The following IMMP2L variants were observed in gnomAD, a reference collection of about 807,000 sequenced individuals.
IMMP2L encodes inner mitochondrial membrane peptidase subunit 2, also known as mitochondrial inner membrane protease subunit 2.
IMMP2L carries 18 observed loss-of-function variants against 19.3 expected under a neutral mutation model. The observed-to-expected ratio is 0.93, with a 90% CI of 0.64 to 1.38. The LOEUF (loss-of-function observed/expected upper bound fraction) is 1.38, where lower values mean the gene tolerates loss of function less well. IMMP2L is among the 40% of genes most tolerant of loss of function. The pLI is 0.00. For missense variants in IMMP2L, 233 were observed against 218.2 expected (o/e 1.07, Z -0.43); for synonymous variants, 76 against 73.0 (o/e 1.04, Z -0.21).
chr7:111,092,505 AT>A (rs1796978452), intron 3 of IMMP2L, among the ~76,000 whole-genome samples: 1 of 152,190 alleles, frequency 6.6e-6, no homozygotes. Context: ...TGAAAAGGGG[AT>A]AATGTGAAAA....
intron 3 of IMMP2L, among the ~76,000 whole-genome samples, chr7:111,459,483 T>C (rs1430197033): frequency 5.3e-5 from 8 of 152,160 alleles, no homozygotes; most frequent in Non-Finnish European, 2.9e-5. Flanking sequence ...ATCAGATCTA[T>C]GAAAGTACTT....
chr7:111,000,305 T>C (rs777123154), intron 3 of IMMP2L, among the ~76,000 whole-genome samples: 1 of 152,184 alleles, frequency 6.6e-6, no homozygotes, highest in African/African-American at 2.4e-5. Context: ...GGTAAGCACA[T>C]ATTCCAAGTA....
intron 4 of IMMP2L, among the ~76,000 whole-genome samples, chr7:110,960,707 C>A (rs1334960218): frequency 6.6e-6 from 1 of 151,502 alleles, no homozygotes; most frequent in African/African-American, 2.4e-5. Context: ...TTAGAATGTA[C>A]ATTCTATAAG....
intron 3 of IMMP2L, among the ~76,000 whole-genome samples, chr7:111,133,607 A>G (rs1489025907): frequency 1.3e-5 from 2 of 152,016 alleles, no homozygotes; most frequent in African/African-American, 2.4e-5. Flanking sequence ...ATATCCTAGG[A>G]AAAAAATGAC....
chr7:111,115,274 T>A (rs1298481469), intron 3 of IMMP2L, among the ~76,000 whole-genome samples: 1 of 152,058 alleles, frequency 6.6e-6, no homozygotes, highest in East Asian at 1.9e-4. Flanking sequence ...TAGGAAAAAA[T>A]ATAAGCATCA....
At chr7:111,025,026 A>T (rs1563170918) in intron 3 of IMMP2L, among the ~76,000 whole-genome samples, 1 of 152,192 alleles carries the variant, frequency 6.6e-6, no homozygotes, top group Non-Finnish European at 1.5e-5. Flanking sequence ...CAGATTCTCC[A>T]AATAGGAATG....
rs1241499434 is a variant in IMMP2L at position 111,425,590 on chromosome 7, G to A, written c.239+61648C>T. On this transcript the variant is annotated intron_variant, in intron 3 of 5. Transcript: ENST00000405709. Reference sequence around the variant, plus strand: ...AGATAAGATAACAGAAAAGTGATAAGATATGAGTGGTGAGTATACTGGTGT... The same window carrying A: ...AGATAAGATAACAGAAAAGTGATAAAATATGAGTGGTGAGTATACTGGTGT... 1.3e-5 allele frequency among the ~76,000 whole-genome samples: 2 copies of A among 151,096 alleles called. 1 individual carries two copies. The highest frequency in any genetic ancestry group is 3.0e-5 in the Non-Finnish European group (2 of 67,662).
At chr7:111,156,160 C>A (rs1315329571) in intron 3 of IMMP2L, among the ~76,000 whole-genome samples, 1 of 151,988 alleles carries the variant, frequency 6.6e-6, no homozygotes, top group African/African-American at 2.4e-5. Context: ...GTTGTAGACA[C>A]TCTTGTATAG....
At chr7:111,296,506 A>T (rs1563025123) in intron 3 of IMMP2L, among the ~76,000 whole-genome samples, 1 of 139,374 alleles carries the variant, frequency 7.2e-6, no homozygotes, top group Admixed American at 7.3e-5. Flanking sequence ...GAATAGCTTT[A>T]AAAAATGGTA....
chr7:111,140,574 G>A (rs1802780389), intron 3 of IMMP2L, among the ~76,000 whole-genome samples: 1 of 152,164 alleles, frequency 6.6e-6, no homozygotes, highest in Admixed American at 6.5e-5. Flanking sequence ...TAAGACATGA[G>A]AAAGCTAAGA....
intron 3 of IMMP2L, among the ~76,000 whole-genome samples, chr7:111,393,587 C>T (rs1038833575): frequency 5.3e-5 from 8 of 152,044 alleles, no homozygotes; most frequent in African/African-American, 1.4e-4. Context: ...TGACATTTTA[C>T]GTAGGAGGGA....
intron 3 of IMMP2L, chr7:111,122,860 C>G: frequency 6.2e-7 from 1 of 1,613,898 alleles, no homozygotes; most frequent in Admixed American, 1.7e-5. Flanking sequence ...AGTGGATTGT[C>G]CACGGTTATG....
intron 3 of IMMP2L, among the ~76,000 whole-genome samples, chr7:111,214,142 C>T (rs775837377): frequency 3.9e-5 from 6 of 152,072 alleles, no homozygotes; most frequent in Non-Finnish European, 8.8e-5. Flanking sequence ...CCAGTCCCTT[C>T]CAAGGGTATC....
At chr7:111,401,523 T>G (rs116397817) in intron 3 of IMMP2L, among the ~76,000 whole-genome samples, 2,507 of 152,254 alleles carry the variant, frequency 0.016, 67 homozygotes, top group African/African-American at 0.057. Flanking sequence ...CAAATTTCAA[T>G]GTACTTCTTT....
chr7:110,908,928 T>C (rs1217595741), intron 4 of IMMP2L, among the ~76,000 whole-genome samples: 9 of 152,200 alleles, frequency 5.9e-5, no homozygotes, highest in African/African-American at 1.9e-4. Context: ...GTAGGAAAGA[T>C]AGACATTAAT....
chr7:111,466,692 A>T (rs1463284537), intron 3 of IMMP2L, among the ~76,000 whole-genome samples: 2 of 152,188 alleles, frequency 1.3e-5, no homozygotes, highest in Non-Finnish European at 2.9e-5. Flanking sequence ...ACAGTAGGCC[A>T]TCCATATCTG....
rs373068276 is a variant in IMMP2L at position 111,016,325 on chromosome 7, C to T, written c.240-52760G>A. Among the ~76,000 whole-genome samples the T allele has an allele frequency of 7.5e-3, 1,068 of 142,446 alleles. 12 individuals are homozygous for T. Among genetic ancestry groups the T allele is most frequent in the Middle Eastern group, 0.06 (15 of 248 alleles). 93.5% of individuals were successfully genotyped at this position (142,446 alleles called of 152,430 possible). On this transcript the variant is annotated intron_variant, in intron 3 of 5. Coordinates refer to ENST00000405709, the MANE Select transcript of IMMP2L (RefSeq NM_032549.4). ...TCCCTGTCAAACTTGAAAAAAAGTC[C>T]AGTAATTATATATATAATAATTTAT...
intron 3 of IMMP2L, among the ~76,000 whole-genome samples, chr7:111,228,958 T>G (rs1022404487): frequency 4.3e-5 from 6 of 138,572 alleles, no homozygotes; most frequent in Non-Finnish European, 6.2e-5. Context: ...CAATAAACAC[T>G]AGCAATGCGT....
chr7:110,862,904 C>T (rs112225154), intron 5 of IMMP2L, among the ~76,000 whole-genome samples: 1,531 of 152,062 alleles, frequency 0.01, 38 homozygotes, highest in African/African-American at 0.035. Context: ...AGAGCTGGCC[C>T]ACTTACCTCC....
Sources: allele counts gnomAD v4.1 joint callset (sites outside exome capture counted in the v4.1 genomes callset), GRCh38; gene constraint gnomAD v4.1.1; transcripts MANE v1.5; gene names NCBI Gene and HGNC (gene_info 2026-07-23, HGNC 2026-07-21).